Variants in SMCP observed in about 807,000 individuals in gnomAD.
The protein encoded by SMCP is sperm mitochondria associated cysteine rich protein.
For missense variants in SMCP, 137 were observed against 137.1 expected, an observed-to-expected ratio of 1.00 and a Z score of 0.01; for synonymous variants, 41 against 46.9, an observed-to-expected ratio of 0.87 and a Z score of 0.51.
chr1:152,882,010 T>C (rs959159214), intron 1 of SMCP, among the ~76,000 whole-genome samples: 6 of 152,236 alleles, frequency 3.9e-5, no homozygotes, highest in African/African-American at 1.4e-4. Flanking sequence ...AGTTTTGCTC[T>C]TCTTGCCAAG....
chr1:152,880,008 A>ACT (rs1648985440), intron 1 of SMCP, among the ~76,000 whole-genome samples: 1 of 152,110 alleles, frequency 6.6e-6, no homozygotes. Context: ...TGGTGATGAG[A>ACT]CTCTGCACTT....
At chr1:152,878,979 G>A (rs182662872) in intron 1 of SMCP, among the ~76,000 whole-genome samples, 52 of 152,338 alleles carry the variant, frequency 3.4e-4, no homozygotes, top group Non-Finnish European at 5.3e-4. Context: ...AGGGAACAGT[G>A]TTTGGACATG....
intron 1 of SMCP, among the ~76,000 whole-genome samples, chr1:152,882,680 C>CACAA (rs1649092195): frequency 6.6e-6 from 1 of 152,204 alleles, no homozygotes; most frequent in African/African-American, 2.4e-5. Flanking sequence ...CACACACACA[C>CACAA]ACTCTCACAG....
intron 1 of SMCP, among the ~76,000 whole-genome samples, chr1:152,878,865 G>T (rs955993875): frequency 3.3e-5 from 5 of 152,228 alleles, no homozygotes; most frequent in Admixed American, 3.3e-4. Flanking sequence ...TGTGGGGACA[G>T]AGACCCAGGA....
At chr1:152,881,643 G>T (rs1406615000) in intron 1 of SMCP, among the ~76,000 whole-genome samples, 1 of 146,840 alleles carries the variant, frequency 6.8e-6, no homozygotes, top group African/African-American at 2.6e-5. Flanking sequence ...AGCCGAGATT[G>T]CGCCACTGCA....
chr1:152,884,069 G>A (rs1268567650), intron 1 of SMCP, among the ~76,000 whole-genome samples: 1 of 152,226 alleles, frequency 6.6e-6, no homozygotes, highest in Non-Finnish European at 1.5e-5. Flanking sequence ...ATTAGCTGAT[G>A]TTTGTGAAGT....
At chr1:152,880,535 C>T (rs956949107) in intron 1 of SMCP, among the ~76,000 whole-genome samples, 3 of 152,174 alleles carry the variant, frequency 2.0e-5, no homozygotes, top group African/African-American at 7.2e-5. Context: ...TTCCTGTTCT[C>T]TCTCGGGCAA....
Position 152,884,843 on chromosome 1 carries a change from C to A in SMCP, c.*70C>A. On this transcript the variant is annotated 3_prime_UTR_variant, in exon 2 of 2. Transcript: ENST00000368765. ...TTTCACTTTGTAGGGTGGGGGATTA[C>A]TGAGAGTCAGGCTAGACCTGTGTTT... is the stretch of plus-strand genomic sequence containing the variant. The A allele has an allele frequency of 7.2e-7, 1 of 1,389,816 alleles. No homozygotes were observed. Among genetic ancestry groups the A allele is most frequent in the Admixed American group, 1.9e-5 (1 of 52,506 alleles). The allele number at this position is 1,389,816 out of a possible 1,614,324, so 86.1% of individuals were successfully genotyped here.
chr1:152,882,962 T>A (rs2101623318), intron 1 of SMCP, among the ~76,000 whole-genome samples: 1 of 152,346 alleles, frequency 6.6e-6, no homozygotes, highest in African/African-American at 2.4e-5. Context: ...GAGAATCGCT[T>A]GAACCTGGGA....
chr1:152,883,634 C>T (rs1211172874), intron 1 of SMCP, among the ~76,000 whole-genome samples: 3 of 152,176 alleles, frequency 2.0e-5, no homozygotes, highest in Admixed American at 2.0e-4. Flanking sequence ...TCCAGTTCCC[C>T]CTTCCTCACC....
intron 1 of SMCP, among the ~76,000 whole-genome samples, chr1:152,881,504 A>G (rs536661563): frequency 6.6e-6 from 1 of 151,406 alleles, no homozygotes; most frequent in Non-Finnish European, 1.5e-5. Context: ...CTGGCTAACA[A>G]GGTGAAACCC....
In SMCP at chr1:152,881,759, C is replaced by T. The variant is rs990714258; in HGVS notation, c.-20-2644C>T. Among the ~76,000 whole-genome samples the T allele has an allele frequency of 6.7e-5, 10 of 150,340 alleles. No homozygotes were observed. The South Asian group carries it at 1.3e-3, about 19-fold the overall frequency. ...AATTTATAAAGGAAAGAAGTTTAAT[C>T]GATTCACAGTTCCACATGTCTGAGA... is the stretch of plus-strand genomic sequence containing the variant. On this transcript the variant is annotated intron_variant, in intron 1 of 1. Transcript: ENST00000368765.
At position 152,884,436 on chromosome 1, in the gene SMCP, C is replaced by A. The variant is rs199812597; in HGVS notation, c.14C>A (p.Thr5Lys). 18 of 1,614,162 alleles carry A rather than the reference C, an allele frequency of 1.1e-5. No individual in the cohort carries two copies. The highest frequency in any genetic ancestry group is 4.5e-5 in the East Asian group (2 of 44,880). MCDQ[T>K]KHSKCCPAKG... ...AGTGTTCAGAAGATGTGTGACCAGA[C>A]AAAACACAGTAAATGCTGCCCAGCA... Residue 5 changes from threonine (T) to lysine (K), a missense_variant, in exon 2 of 2, where the codon ACA (threonine) becomes AAA (lysine). Coordinates refer to ENST00000368765, the MANE Select transcript of SMCP (RefSeq NM_030663.3).
At chr1:152,880,462 A>G (rs532508065) in intron 1 of SMCP, among the ~76,000 whole-genome samples, 3 of 152,194 alleles carry the variant, frequency 2.0e-5, no homozygotes, top group East Asian at 3.9e-4. Context: ...CCCTATTTTT[A>G]TACTGGTCTG....
chr1:152,878,699 C>A (rs1648943943), intron 1 of SMCP, among the ~76,000 whole-genome samples: 2 of 152,180 alleles, frequency 1.3e-5, no homozygotes, highest in Non-Finnish European at 2.9e-5. Flanking sequence ...AAAAGTGAGA[C>A]AATTGGGAAA....
Position 152,884,957 on chromosome 1 carries a change from A to T in SMCP, c.*184A>T. Reference sequence around the variant, plus strand: ...AGCTCCCTACCCTAGGGAGGCCTCCATCTGGAAATGGGAGGATGAAGAGGC... The same window carrying T: ...AGCTCCCTACCCTAGGGAGGCCTCCTTCTGGAAATGGGAGGATGAAGAGGC... On this transcript the variant is annotated 3_prime_UTR_variant, in exon 2 of 2. Coordinates refer to ENST00000368765, the MANE Select transcript of SMCP (RefSeq NM_030663.3). 1 of 610,144 alleles carries T rather than the reference A, an allele frequency of 1.6e-6. No homozygotes were observed. 37.8% of individuals were successfully genotyped at this position (610,144 alleles called of 1,614,324 possible).
chr1:152,882,035 G>A (rs1649070104), intron 1 of SMCP, among the ~76,000 whole-genome samples: 1 of 152,140 alleles, frequency 6.6e-6, no homozygotes, highest in Non-Finnish European at 1.5e-5. Context: ...GAGTGCAATG[G>A]CACGATCTCA....
chr1:152,878,824 G>T (rs1369090109), intron 1 of SMCP, among the ~76,000 whole-genome samples: 1 of 152,218 alleles, frequency 6.6e-6, no homozygotes, highest in Admixed American at 6.5e-5. Context: ...TGTAAGCAGA[G>T]ACTTCAGGTT....
chr1:152,879,409 T>C (rs1648966777), intron 1 of SMCP, among the ~76,000 whole-genome samples: 1 of 152,048 alleles, frequency 6.6e-6, no homozygotes, highest in South Asian at 2.1e-4. Context: ...TCAGTAGAGA[T>C]GGAGTTTTGC....
Sources: allele counts gnomAD v4.1 joint callset (sites outside exome capture counted in the v4.1 genomes callset), GRCh38; gene constraint gnomAD v4.1.1; transcripts MANE v1.5; gene names NCBI Gene and HGNC (gene_info 2026-07-23, HGNC 2026-07-21).